COMMD1: variants seen among roughly 807,000 people sequenced by gnomAD.
COMMD1 encodes the protein COMM domain-containing protein 1.
Under a neutral mutation model 17.2 loss-of-function variants are expected in COMMD1, and 10 were observed. The observed-to-expected ratio is 0.58, with a 90% CI of 0.36 to 0.99. COMMD1 has a LOEUF of 0.99. Among genes scored for constraint, COMMD1 ranks in the 50% least tolerant of loss-of-function variants. COMMD1 has a pLI of 0.01. For synonymous variants in COMMD1, 97 were observed against 91.6 expected (o/e 1.06, Z -0.34); for missense variants, 270 against 231.8 (o/e 1.17, Z -1.07).
chr2:61,888,727 G>A (rs923815931), exon 1 of COMMD1: 1 of 548,422 alleles, frequency 1.8e-6, no homozygotes, highest in Admixed American at 3.6e-5. Flanking sequence ...CGAGGAGGAT[G>A]CGTGCGGTGG....
chr2:62,059,233 G>T (rs1022387228), intron 2 of COMMD1, among the ~76,000 whole-genome samples: 1 of 151,444 alleles, frequency 6.6e-6, no homozygotes, highest in African/African-American at 2.4e-5. Context: ...ACAGCTCACT[G>T]CAGCCTCTAC....
chr2:62,000,083 C>T (rs371573776), intron 1 of COMMD1, among the ~76,000 whole-genome samples: 52 of 151,690 alleles, frequency 3.4e-4, no homozygotes, highest in African/African-American at 1.2e-3. Context: ...CAACTACACC[C>T]GGCCAATTTT....
At position 61,978,567 on chromosome 2, in the gene COMMD1, A is replaced by C. The variant is rs118115465; in HGVS notation, c.181-22134A>C. Among the ~76,000 whole-genome samples the C allele has an allele frequency of 1.1e-3, 163 of 152,228 alleles. 1 individual carries two copies. In the East Asian group the frequency reaches 0.012, roughly 11 times the overall value. ...ACAGTCATTTTGCTCTTGAATCTGA[A>C]CTGTAGGCAGTGCTAAGAGGAAAAG... On this transcript the variant is annotated intron_variant, in intron 1 of 2. Coordinates refer to ENST00000311832, the MANE Select transcript of COMMD1 (RefSeq NM_152516.4).
At chr2:62,051,359 A>G (rs1670527677) in intron 2 of COMMD1, among the ~76,000 whole-genome samples, 1 of 152,202 alleles carries the variant, frequency 6.6e-6, no homozygotes, top group Non-Finnish European at 1.5e-5. Flanking sequence ...CATAATTTGT[A>G]GAAAGCATCG....
At chr2:61,999,863 T>A (rs978148639) in intron 1 of COMMD1, among the ~76,000 whole-genome samples, 1 of 152,178 alleles carries the variant, frequency 6.6e-6, no homozygotes, top group African/African-American at 2.4e-5. Context: ...ATATTTGATG[T>A]TTCCAAAGGG....
intron 2 of COMMD1, among the ~76,000 whole-genome samples, chr2:62,100,970 G>A (rs1214735644): frequency 6.6e-6 from 1 of 151,900 alleles, no homozygotes; most frequent in Non-Finnish European, 1.5e-5. Context: ...GTCTTATAAT[G>A]TTATGCCAGA....
At chr2:62,044,974 C>T (rs1316584293) in intron 2 of COMMD1, among the ~76,000 whole-genome samples, 1 of 152,178 alleles carries the variant, frequency 6.6e-6, no homozygotes, top group East Asian at 1.9e-4. Flanking sequence ...GGGTTCTTCC[C>T]TGCCTGCTGC....
At position 61,985,739 on chromosome 2, in the gene COMMD1, A is replaced by G. The variant is rs139906784; in HGVS notation, c.181-14962A>G. Among the ~76,000 whole-genome samples, 467 of 152,326 alleles carry G rather than the reference A, an allele frequency of 3.1e-3. 17 individuals carry two copies. In the East Asian group the frequency reaches 0.069, roughly 22 times the overall value. On this transcript the variant is annotated intron_variant, in intron 1 of 2. Coordinates refer to ENST00000311832, the MANE Select transcript of COMMD1 (RefSeq NM_152516.4). The stretch of plus-strand genomic sequence containing the variant: ...TAACATTGGTAGCATACATAAACAA[A>G]CAAGCAAAAAGAAAACTAGTAAAAA...
chr2:62,056,479 G>A (rs1039051378), intron 2 of COMMD1, among the ~76,000 whole-genome samples: 1 of 152,216 alleles, frequency 6.6e-6, no homozygotes, highest in Non-Finnish European at 1.5e-5. Context: ...TTGCTTGTGT[G>A]ACATATTCAA....
chr2:62,085,221 A>T (rs1206596461), intron 2 of COMMD1, among the ~76,000 whole-genome samples: 1 of 144,454 alleles, frequency 6.9e-6, no homozygotes, highest in South Asian at 2.2e-4. Flanking sequence ...TACAGTTTGA[A>T]TTTTTTTTTT....
chr2:62,130,819 A>G (rs1380798617), intron 2 of COMMD1, among the ~76,000 whole-genome samples: 1 of 152,246 alleles, frequency 6.6e-6, no homozygotes, highest in Admixed American at 6.5e-5. Flanking sequence ...AATAATACTC[A>G]AAGAGGTTAT....
At chr2:62,091,450 G>T (rs568381411) in intron 2 of COMMD1, among the ~76,000 whole-genome samples, 1 of 152,322 alleles carries the variant, frequency 6.6e-6, no homozygotes. Flanking sequence ...TGTTGCCATT[G>T]TATACTGATG....
intron 2 of COMMD1, among the ~76,000 whole-genome samples, chr2:62,006,676 C>T (rs1212358239): frequency 6.6e-6 from 1 of 152,222 alleles, no homozygotes; most frequent in East Asian, 1.9e-4. Flanking sequence ...AGACTGAAAT[C>T]CTGTCATATT....
intron 2 of COMMD1, among the ~76,000 whole-genome samples, chr2:62,058,013 G>C (rs1301896022): frequency 1.3e-5 from 2 of 151,794 alleles, no homozygotes; most frequent in Non-Finnish European, 2.9e-5. Context: ...CCAAATACTT[G>C]GGGCTCTTCT....
intron 1 of COMMD1, among the ~76,000 whole-genome samples, chr2:61,947,264 A>G (rs1407548652): frequency 2.0e-5 from 3 of 152,228 alleles, no homozygotes; most frequent in Non-Finnish European, 2.9e-5. Flanking sequence ...AACAATCTAT[A>G]TATTTAATGA....
At chr2:62,013,720 AT>A (rs888742526) in intron 2 of COMMD1, among the ~76,000 whole-genome samples, 4 of 152,182 alleles carry the variant, frequency 2.6e-5, no homozygotes, top group African/African-American at 9.6e-5. Context: ...AAAGTGAGGA[AT>A]TGGGGGTAAC....
intron 2 of COMMD1, among the ~76,000 whole-genome samples, chr2:62,028,083 G>A (rs1007895774): frequency 2.6e-5 from 4 of 152,166 alleles, no homozygotes; most frequent in African/African-American, 9.7e-5. Flanking sequence ...CATTAGAATT[G>A]AAACTCAGTG....
chr2:61,960,433 A>G (rs534123606), intron 1 of COMMD1, among the ~76,000 whole-genome samples: 1 of 152,284 alleles, frequency 6.6e-6, no homozygotes, highest in East Asian at 1.9e-4. Context: ...AGTATACTTA[A>G]TACAGTAGCT....
At position 62,115,584 on chromosome 2, in the gene COMMD1, C is replaced by T. The variant is rs1573203262; in HGVS notation, c.463-20247C>T. ...AAGTCTAGTTAGGGTATTACTGGGGCATTTGATAAAATTTGAATATAGACT... is the reference window on the plus strand; with the variant it reads ...AAGTCTAGTTAGGGTATTACTGGGGTATTTGATAAAATTTGAATATAGACT... On this transcript the variant is annotated intron_variant, in intron 2 of 2. Transcript: ENST00000311832. Among the ~76,000 whole-genome samples, 3 of 152,046 alleles carry T rather than the reference C, an allele frequency of 2.0e-5. No homozygotes were observed. In the East Asian group the frequency reaches 5.8e-4, roughly 29 times the overall value.
Sources: allele counts gnomAD v4.1 joint callset (sites outside exome capture counted in the v4.1 genomes callset), GRCh38; gene constraint gnomAD v4.1.1; transcripts MANE v1.5; gene names NCBI Gene and HGNC (gene_info 2026-07-23, HGNC 2026-07-21).